CLIC5: variants seen among roughly 807,000 people sequenced by gnomAD.
The protein encoded by CLIC5 is chloride intracellular channel protein 5.
A neutral mutation model predicts 24.7 loss-of-function variants in CLIC5; 20 were observed. The ratio of observed to expected loss-of-function variants is 0.81; its 90% confidence interval spans 0.57 to 1.18. The LOEUF is 1.18. Ranked by LOEUF, CLIC5 falls within the 50% of genes most tolerant of loss-of-function variation. The pLI is 0.00. For synonymous variants in CLIC5, 159 were observed against 135.6 expected, an observed-to-expected ratio of 1.17 and a Z score of -1.20; for missense variants, 341 against 326.1, an observed-to-expected ratio of 1.05 and a Z score of -0.35.
chr6:45,914,722 G>A (rs946536005), intron 4 of CLIC5, among the ~76,000 whole-genome samples: 4 of 151,858 alleles, frequency 2.6e-5, no homozygotes, highest in African/African-American at 9.7e-5. Context: ...GGAGGCCGAG[G>A]CGGGCAGATC....
intron 1 of CLIC5, among the ~76,000 whole-genome samples, chr6:45,962,133 A>T (rs1463391392): frequency 6.6e-6 from 1 of 150,394 alleles, no homozygotes; most frequent in Non-Finnish European, 1.5e-5. Context: ...ACGTATACAC[A>T]TCTTATTTTT....
intron 6 of CLIC5, among the ~76,000 whole-genome samples, chr6:45,884,898 G>A (rs1162131807): frequency 7.8e-6 from 1 of 127,922 alleles, no homozygotes; most frequent in Non-Finnish European, 1.7e-5. Context: ...GGTTAATAAT[G>A]ATTTGTAACT....
rs942005913 is a variant in CLIC5, at chr6:45,963,408, G to C, written c.64-8164C>G. On this transcript the variant is annotated intron_variant, in intron 1 of 5. Coordinates refer to ENST00000339561, the MANE Select transcript of CLIC5 (RefSeq NM_016929.5). The stretch of plus-strand genomic sequence containing the variant: ...TATCCTGAAATTCTTAATAATTTTG[G>C]AGCATAGGGTCCCTCATTTTCATTT... Among the ~76,000 whole-genome samples the C allele has an allele frequency of 5.9e-5, 9 of 152,204 alleles. No homozygotes were observed. The South Asian group carries it at 1.9e-3, about 32-fold the overall frequency.
chr6:45,915,780 G>T (rs1185625543), intron 4 of CLIC5, among the ~76,000 whole-genome samples: 2 of 152,136 alleles, frequency 1.3e-5, no homozygotes, highest in African/African-American at 2.4e-5. Flanking sequence ...AAATCGTTTT[G>T]CCCAGAATCT....
chr6:45,988,632 T>C (rs1455332635), intron 1 of CLIC5, among the ~76,000 whole-genome samples: 19 of 152,266 alleles, frequency 1.2e-4, no homozygotes, highest in Non-Finnish European at 4.4e-5. Context: ...CACGCTTAAC[T>C]ATTATCCTTG....
At chr6:46,051,400 T>G (rs1259323167) in intron 1 of CLIC5, among the ~76,000 whole-genome samples, 1 of 152,230 alleles carries the variant, frequency 6.6e-6, no homozygotes, top group African/African-American at 2.4e-5. Context: ...AAATGACATC[T>G]AAGGTCCTTT....
chr6:45,946,376 A>G (rs1030248319), intron 3 of CLIC5, among the ~76,000 whole-genome samples: 1 of 152,224 alleles, frequency 6.6e-6, no homozygotes, highest in Non-Finnish European at 1.5e-5. Context: ...CCTCATTTTG[A>G]CACCAAATGC....
chr6:45,938,340 G>T (rs1459405698), intron 4 of CLIC5, among the ~76,000 whole-genome samples: 1 of 152,180 alleles, frequency 6.6e-6, no homozygotes, highest in African/African-American at 2.4e-5. Context: ...TTCACCTCTG[G>T]CTTGCTAAGC....
chr6:45,929,179 C>T (rs192491445), intron 4 of CLIC5, among the ~76,000 whole-genome samples: 1 of 152,276 alleles, frequency 6.6e-6, no homozygotes, highest in Non-Finnish European at 1.5e-5. Flanking sequence ...AACCGCCTTC[C>T]TTACAACTGC....
At chr6:46,117,162 C>A in the CLIC5 span, among the ~76,000 whole-genome samples, 1 of 152,156 alleles carries the variant, frequency 6.6e-6, no homozygotes, top group Non-Finnish European at 1.5e-5. Flanking sequence ...ATAGCTTCTC[C>A]CCTTCATGCA....
In CLIC5 at chr6:45,902,953, C is replaced by T. The variant is rs1476574526; in HGVS notation, c.*135G>A. 1.5e-5 allele frequency: 14 copies of T among 944,226 alleles called. No individual in the cohort carries two copies. The highest frequency in any genetic ancestry group is 6.7e-4 in the Middle Eastern group (2 of 2,972). 58.5% of individuals were successfully genotyped at this position (944,226 alleles called of 1,614,324 possible). On this transcript the variant is annotated 3_prime_UTR_variant, in exon 6 of 6. Transcript: ENST00000339561. ...CATGAAAGATAGCAGGCTGGAGTTC[C>T]CATGATACCAGCAAGATGAGGCTTG... is the stretch of plus-strand genomic sequence containing the variant.
chr6:46,036,306 C>CT (rs67557243), intron 1 of CLIC5, among the ~76,000 whole-genome samples: 2,924 of 88,234 alleles, frequency 0.033, 204 homozygotes, highest in African/African-American at 0.055. Context: ...ACTGCAAGGT[C>CT]TTTTTTTTTT....
chr6:45,959,305 C>T (rs1171446924), intron 1 of CLIC5, among the ~76,000 whole-genome samples: 1 of 152,112 alleles, frequency 6.6e-6, no homozygotes, highest in East Asian at 1.9e-4. Flanking sequence ...TAAGTTAAAG[C>T]TGAAAAACAT....
upstream of CLIC5, among the ~76,000 whole-genome samples, chr6:46,020,470 TAA>T (rs1258005582): frequency 6.6e-6 from 1 of 151,822 alleles, no homozygotes; most frequent in East Asian, 1.9e-4. Context: ...TTTTGGAAAA[TAA>T]TAAAGTTCTG....
At chr6:45,992,847 G>T (rs918366191) in intron 1 of CLIC5, among the ~76,000 whole-genome samples, 1 of 152,044 alleles carries the variant, frequency 6.6e-6, no homozygotes, top group African/African-American at 2.4e-5. Context: ...TACCCCATAT[G>T]AACCAATTTT....
At chr6:45,994,003 A>C (rs1181307363) in intron 1 of CLIC5, among the ~76,000 whole-genome samples, 2 of 152,186 alleles carry the variant, frequency 1.3e-5, no homozygotes, top group African/African-American at 4.8e-5. Context: ...TCTCCACTTA[A>C]AATCTTAAAA....
intron 5 of CLIC5, among the ~76,000 whole-genome samples, chr6:45,913,488 G>A (rs1193723769): frequency 6.6e-6 from 1 of 152,194 alleles, no homozygotes; most frequent in East Asian, 1.9e-4. Context: ...TAACATGGTA[G>A]GGCTGGCTCA....
intron 3 of CLIC5, among the ~76,000 whole-genome samples, chr6:45,946,815 T>C (rs1487764658): frequency 6.6e-6 from 1 of 152,228 alleles, no homozygotes; most frequent in East Asian, 1.9e-4. Context: ...CCTGGGATGC[T>C]CTGGAATACT....
In CLIC5 at chr6:46,062,064, T is replaced by C. The variant is rs6924888; in HGVS notation, c.540+17639A>G. 5.9e-3 allele frequency among the ~76,000 whole-genome samples: 892 copies of C among 152,348 alleles called. 8 individuals are homozygous for C. The highest frequency in any genetic ancestry group is 0.021 in the African/African-American group (859 of 41,578). On this transcript the variant is annotated intron_variant, in intron 1 of 5. Transcript: ENST00000185206. Reference sequence around the variant, plus strand: ...AGCTGTAGAGCACTTGAGATGTGGCTGGTGTGACTGAGGAGCTGCATTTCT... The same window carrying C: ...AGCTGTAGAGCACTTGAGATGTGGCCGGTGTGACTGAGGAGCTGCATTTCT...
Sources: gnomAD v4.1 joint callset for allele counts (sites outside exome capture counted in the v4.1 genomes callset) on GRCh38, gnomAD v4.1.1 for gene constraint, MANE v1.5 for transcripts, NCBI Gene and HGNC (gene_info 2026-07-23, HGNC 2026-07-21) for gene names.